PARD3B: variants seen among roughly 807,000 people sequenced by gnomAD.
PARD3B encodes par-3 family cell polarity regulator beta.
PARD3B carries 103 observed loss-of-function variants against 130.2 expected under a neutral mutation model. The observed-to-expected ratio is 0.79, with a 90% CI of 0.67 to 0.93. The LOEUF is 0.93. Ranked by LOEUF, PARD3B falls within the 40% of genes least tolerant of loss-of-function variation. The pLI is 0.00. For synonymous variants in PARD3B, 583 were observed against 553.2 expected, an observed-to-expected ratio of 1.05 and a Z score of -0.76; for missense variants, 1,609 against 1,499.2, an observed-to-expected ratio of 1.07 and a Z score of -1.21.
chr2:204,706,590 G>A (rs1014539054), intron 2 of PARD3B, among the ~76,000 whole-genome samples: 1 of 152,170 alleles, frequency 6.6e-6, no homozygotes, highest in Non-Finnish European at 1.5e-5. Context: ...AAAATAAGTC[G>A]AGTTGGACAT....
chr2:204,745,714 T>A (rs2040193813), intron 2 of PARD3B, among the ~76,000 whole-genome samples: 1 of 152,068 alleles, frequency 6.6e-6, no homozygotes, highest in Non-Finnish European at 1.5e-5. Flanking sequence ...ATACTACCAT[T>A]TTCATTACAC....
chr2:205,357,773 G>C (rs898911386), intron 18 of PARD3B, among the ~76,000 whole-genome samples: 5 of 152,316 alleles, frequency 3.3e-5, no homozygotes, highest in African/African-American at 9.6e-5. Context: ...TTAAGAGAAA[G>C]ACTATGGCTT....
intron 1 of PARD3B, among the ~76,000 whole-genome samples, chr2:204,618,328 C>T (rs550417331): frequency 1.3e-5 from 2 of 152,230 alleles, no homozygotes; most frequent in African/African-American, 2.4e-5. Flanking sequence ...GGATTGGAAA[C>T]CCATATCTGC....
In PARD3B at chr2:205,176,389, T is replaced by C. The variant is rs957066863; in HGVS notation, c.1792-56T>C. 1 of 1,498,738 alleles carries C rather than the reference T, an allele frequency of 6.7e-7. No homozygotes were observed. The highest frequency in any genetic ancestry group is 1.4e-5 in the African/African-American group (1 of 70,764). The allele number at this position is 1,498,738 out of a possible 1,614,324, so 92.8% of individuals were successfully genotyped here. On this transcript the variant is annotated intron_variant, in intron 12 of 22. Transcript: ENST00000406610. This position sits in a 1 kb window ranked among gnomAD's most constrained non-coding sequence, Gnocchi z 5.3. ...GATCATTCTTTCACTTTGCTTCAAC[T>C]GACCAAGTTGGAACATATTAAAAAT...
At chr2:204,939,629 T>C (rs1688747302) in intron 2 of PARD3B, among the ~76,000 whole-genome samples, 1 of 152,202 alleles carries the variant, frequency 6.6e-6, no homozygotes, top group African/African-American at 2.4e-5. Flanking sequence ...ACACGATTTC[T>C]TTTTTGCTTA....
At chr2:205,163,628 T>C (rs1399822075) in intron 11 of PARD3B, among the ~76,000 whole-genome samples, 1 of 152,176 alleles carries the variant, frequency 6.6e-6, no homozygotes, top group East Asian at 1.9e-4. Context: ...TGCACATCTC[T>C]AGAATATCCA....
chr2:205,047,559 CA>C, intron 3 of PARD3B, 21 bp from the exon 4 acceptor site: 1 of 1,508,996 alleles, frequency 6.6e-7, no homozygotes, highest in Non-Finnish European at 9.0e-7. Context: ...TTTGACCTCT[CA>C]CCTCTCACTT....
intron 15 of PARD3B, among the ~76,000 whole-genome samples, chr2:205,228,100 AT>A (rs1324295940): frequency 2.0e-5 from 3 of 152,242 alleles, no homozygotes; most frequent in East Asian, 3.9e-4. Context: ...ATCAGTTTAT[AT>A]TTTAGTCTTT....
At chr2:205,188,744 G>A (rs1260038378) in intron 14 of PARD3B, among the ~76,000 whole-genome samples, 3 of 147,708 alleles carry the variant, frequency 2.0e-5, no homozygotes, top group East Asian at 2.0e-4. Flanking sequence ...AGGGAGCCAG[G>A]AGGATTGAGC....
At chr2:205,243,872 T>A (rs903117511) in intron 15 of PARD3B, among the ~76,000 whole-genome samples, 10 of 152,216 alleles carry the variant, frequency 6.6e-5, no homozygotes, top group Non-Finnish European at 1.0e-4. Flanking sequence ...GTGCATAGCA[T>A]AAAACCTGTG....
chr2:204,715,484 CT>C (rs77864369), intron 2 of PARD3B, among the ~76,000 whole-genome samples: 2,001 of 135,426 alleles, frequency 0.015, 25 homozygotes, highest in African/African-American at 0.044. Flanking sequence ...TGCTGTTTTT[CT>C]TTTTTTTTTT....
chr2:204,905,884 C>G (rs994532229), intron 2 of PARD3B, among the ~76,000 whole-genome samples: 1 of 152,082 alleles, frequency 6.6e-6, no homozygotes, highest in Non-Finnish European at 1.5e-5. Flanking sequence ...TTTCTAACAC[C>G]TGAAAACATT....
At chr2:205,483,552 T>C (rs2049322085) in intron 20 of PARD3B, among the ~76,000 whole-genome samples, 1 of 152,350 alleles carries the variant, frequency 6.6e-6, no homozygotes, top group East Asian at 1.9e-4. Context: ...ATTATAAGGA[T>C]GCATTTTGAC....
At chr2:205,500,632 GT>G (rs1268863142) in intron 21 of PARD3B, among the ~76,000 whole-genome samples, 1 of 152,134 alleles carries the variant, frequency 6.6e-6, no homozygotes, top group African/African-American at 2.4e-5. Context: ...TCACTCTCTT[GT>G]TTTCAAGAAG....
intron 18 of PARD3B, among the ~76,000 whole-genome samples, chr2:205,370,201 A>C (rs2044757722): frequency 6.6e-6 from 1 of 152,244 alleles, no homozygotes; most frequent in African/African-American, 2.4e-5. Context: ...GTTTTCCAGA[A>C]GAACAACTCC....
intron 2 of PARD3B, among the ~76,000 whole-genome samples, chr2:204,780,553 G>A (rs1044525203): frequency 6.6e-6 from 1 of 152,090 alleles, no homozygotes; most frequent in African/African-American, 2.4e-5. Context: ...CCCCACACTA[G>A]TTCTGTTTAT....
At chr2:204,919,185 A>C (rs191653919) in intron 2 of PARD3B, among the ~76,000 whole-genome samples, 1 of 152,060 alleles carries the variant, frequency 6.6e-6, no homozygotes, top group Non-Finnish European at 1.5e-5. Flanking sequence ...GCAGACATCC[A>C]TACACTTCCC....
At chr2:204,963,432 A>C (rs1196013964) in intron 2 of PARD3B, among the ~76,000 whole-genome samples, 3 of 152,194 alleles carry the variant, frequency 2.0e-5, no homozygotes, top group Non-Finnish European at 4.4e-5. Flanking sequence ...AAGAAGAGTA[A>C]GATATAACTT....
intron 1 of PARD3B, among the ~76,000 whole-genome samples, chr2:204,547,458 C>T (rs2030071607): frequency 1.3e-5 from 2 of 152,108 alleles, no homozygotes; most frequent in Admixed American, 1.3e-4. Context: ...GTGTGAAAAT[C>T]AACTGCAATG....
Sources: gnomAD v4.1 joint callset for allele counts (sites outside exome capture counted in the v4.1 genomes callset) on GRCh38, gnomAD v4.1.1 for gene constraint, Gnocchi (gnomAD v3.1) non-coding constraint, MANE v1.5 for transcripts, NCBI Gene and HGNC (gene_info 2026-07-23, HGNC 2026-07-21) for gene names.